Variants in SMYD3 observed in about 807,000 individuals in gnomAD.
SMYD3 encodes the protein SET and MYND domain containing 3.
Under a neutral mutation model 57.7 loss-of-function variants are expected in SMYD3, and 36 were observed. The observed-to-expected ratio is 0.62, with a 90% confidence interval of 0.48 to 0.82. The LOEUF is 0.82. Ranked by LOEUF, SMYD3 falls within the 40% of genes least tolerant of loss-of-function variation. SMYD3 has a pLI of 0.00. For synonymous variants in SMYD3, 211 were observed against 195.0 expected (o/e 1.08, Z -0.68); for missense variants, 515 against 538.8 (o/e 0.96, Z 0.44).
rs558578631 is a variant in SMYD3 at position 246,272,941 on chromosome 1, G to T, written c.531+54260C>A. Among the ~76,000 whole-genome samples, 9 of 152,166 alleles carry T rather than the reference G, an allele frequency of 5.9e-5. 1 individual carries two copies. Among genetic ancestry groups the T allele is most frequent in the African/African-American group, 2.2e-4 (9 of 41,528 alleles). On this transcript the variant is annotated intron_variant, in intron 5 of 11. Coordinates refer to ENST00000490107, the MANE Select transcript of SMYD3 (RefSeq NM_001167740.2). The stretch of plus-strand genomic sequence containing the variant: ...AGCTTTTCTCTGTTGAGAGATTATT[G>T]ATTACTGATTCAATCTCCTAACTAG...
intron 1 of SMYD3, among the ~76,000 whole-genome samples, chr1:246,444,371 G>T (rs368409002): frequency 1.3e-5 from 2 of 151,992 alleles, no homozygotes; most frequent in African/African-American, 4.8e-5. Context: ...TGATCCACCC[G>T]CCTCGGCCTC....
intron 5 of SMYD3, among the ~76,000 whole-genome samples, chr1:246,235,769 T>TTCA (rs1169984072): frequency 2.6e-5 from 4 of 152,058 alleles, no homozygotes; most frequent in Non-Finnish European, 4.4e-5. Flanking sequence ...TTTCAAGGGG[T>TTCA]TCACTGACCC....
At chr1:246,467,333 T>A (rs977012751) in intron 1 of SMYD3, among the ~76,000 whole-genome samples, 3 of 151,796 alleles carry the variant, frequency 2.0e-5, no homozygotes, top group Admixed American at 1.3e-4. Context: ...CTACCCAACA[T>A]AAATATAAGG....
In SMYD3 at chr1:245,749,473, G is replaced by T; in HGVS notation, c.*90C>A. 1.0e-6 allele frequency: 1 copy of T among 982,912 alleles called. No homozygotes were observed. The highest frequency in any genetic ancestry group is 1.6e-6 in the Non-Finnish European group (1 of 627,654). The allele number at this position is 982,912 out of a possible 1,614,324, so 60.9% of individuals were successfully genotyped here. ...ACGGAACAGAATTTCCAATAGGAGAGGTTCACACAGCTAACAAAGCATAGA... is the reference window on the plus strand; with the variant it reads ...ACGGAACAGAATTTCCAATAGGAGATGTTCACACAGCTAACAAAGCATAGA... On this transcript the variant is annotated 3_prime_UTR_variant, in exon 12 of 12. Coordinates refer to ENST00000490107, the MANE Select transcript of SMYD3 (RefSeq NM_001167740.2).
At chr1:246,410,231 G>A (rs1391850292) in intron 1 of SMYD3, among the ~76,000 whole-genome samples, 1 of 152,100 alleles carries the variant, frequency 6.6e-6, no homozygotes, top group East Asian at 1.9e-4. Flanking sequence ...GTGAGAGAGG[G>A]CATCCCTCTC....
chr1:245,805,502 G>T (rs1321041084), intron 10 of SMYD3, among the ~76,000 whole-genome samples: 1 of 152,204 alleles, frequency 6.6e-6, no homozygotes, highest in African/African-American at 2.4e-5. Flanking sequence ...TGTGCAATTT[G>T]TAAAGTCACA....
chr1:246,323,070 A>G (rs1263369649), intron 5 of SMYD3, among the ~76,000 whole-genome samples: 1 of 152,196 alleles, frequency 6.6e-6, no homozygotes, highest in Non-Finnish European at 1.5e-5. Context: ...TCCCAACACC[A>G]GCCTCGCTTT....
At chr1:245,757,168 C>T (rs2045640888) in intron 11 of SMYD3, among the ~76,000 whole-genome samples, 1 of 152,004 alleles carries the variant, frequency 6.6e-6, no homozygotes, top group Non-Finnish European at 1.5e-5. Flanking sequence ...ACTCTGGTAA[C>T]CACTGTTCTA....
In SMYD3 at chr1:246,465,574, C is replaced by T. The variant is rs562429898; in HGVS notation, c.164+41480G>A. On this transcript the variant is annotated intron_variant, in intron 1 of 11. Transcript: ENST00000490107. ...CGGGGCGGGGCACGGTGGCTCATGC[C>T]TGTAATCCCAACACTTTGGGAGGCT... 3.2e-4 allele frequency among the ~76,000 whole-genome samples: 48 copies of T among 152,246 alleles called. No individual in the cohort carries two copies. In the South Asian group the frequency reaches 9.3e-3, roughly 30 times the overall value.
Position 245,758,056 on chromosome 1 carries a change from G to A in SMYD3, c.1185+5985C>T, listed in dbSNP as rs540560474. 4.6e-5 allele frequency among the ~76,000 whole-genome samples: 7 copies of A among 152,140 alleles called. No individual in the cohort carries two copies. In the South Asian group the frequency reaches 1.5e-3, roughly 32 times the overall value. Reference sequence around the variant, plus strand: ...AATAATACTAAGTCTTCGAACCTATGAACATGAGATGTCATTCTCCTTATT... The same window carrying A: ...AATAATACTAAGTCTTCGAACCTATAAACATGAGATGTCATTCTCCTTATT... On this transcript the variant is annotated intron_variant, in intron 11 of 11. Transcript: ENST00000490107.
intron 10 of SMYD3, among the ~76,000 whole-genome samples, chr1:245,798,387 C>CATACACACCACACACACAT (rs2047649547): frequency 7.8e-6 from 1 of 128,870 alleles, no homozygotes; most frequent in Non-Finnish European, 1.7e-5. Flanking sequence ...AACACACACA[C>CATACACACCACACACACAT]GCGCACACAC....
intron 1 of SMYD3, among the ~76,000 whole-genome samples, chr1:246,441,743 C>T (rs1484169367): frequency 6.6e-6 from 1 of 152,172 alleles, no homozygotes; most frequent in African/African-American, 2.4e-5. Context: ...TCCCAAGTAG[C>T]CGAGACCACA....
chr1:246,301,845 C>T (rs2064896294), intron 5 of SMYD3, among the ~76,000 whole-genome samples: 1 of 152,124 alleles, frequency 6.6e-6, no homozygotes, highest in African/African-American at 2.4e-5. Context: ...GAATATTATA[C>T]GTGTCACTGA....
intron 5 of SMYD3, among the ~76,000 whole-genome samples, chr1:246,182,682 G>GA (rs1022671754): frequency 3.4e-4 from 51 of 152,126 alleles, no homozygotes; most frequent in African/African-American, 1.2e-3. Context: ...GTCACAATTA[G>GA]AAAAATAAAA....
chr1:245,961,292 T>C (rs10924407), intron 5 of SMYD3, among the ~76,000 whole-genome samples: 20,548 of 152,156 alleles, frequency 0.14, 1,744 homozygotes, highest in East Asian at 0.41. Flanking sequence ...CTTCCATTTT[T>C]TACTTTCCTG....
chr1:246,423,922 A>G (rs2067182529), intron 1 of SMYD3, among the ~76,000 whole-genome samples: 2 of 152,194 alleles, frequency 1.3e-5, no homozygotes, highest in African/African-American at 4.8e-5. Flanking sequence ...GTGATGAAAG[A>G]CAGAACAAAA....
At chr1:245,938,889 A>C (rs1029461657) in intron 5 of SMYD3, among the ~76,000 whole-genome samples, 4 of 152,198 alleles carry the variant, frequency 2.6e-5, no homozygotes, top group African/African-American at 9.7e-5. Context: ...TTTGCAAGGA[A>C]GGTTCCCCTT....
intron 5 of SMYD3, among the ~76,000 whole-genome samples, chr1:246,139,504 C>T (rs561105919): frequency 2.4e-4 from 36 of 152,328 alleles, no homozygotes; most frequent in African/African-American, 8.7e-4. Context: ...GCAAACTCTG[C>T]ACTCTTTTTC....
chr1:246,256,544 C>T (rs930331285), intron 5 of SMYD3, among the ~76,000 whole-genome samples: 3 of 148,798 alleles, frequency 2.0e-5, no homozygotes, highest in Non-Finnish European at 4.4e-5. Flanking sequence ...TTTGTCACTT[C>T]TAATTGTGCT....
Sources: gnomAD v4.1 joint callset for allele counts (sites outside exome capture counted in the v4.1 genomes callset) on GRCh38, gnomAD v4.1.1 for gene constraint, MANE v1.5 for transcripts, NCBI Gene and HGNC (gene_info 2026-07-23, HGNC 2026-07-21) for gene names.